Variants in MAN2B2 observed in about 807,000 individuals in gnomAD.
MAN2B2 encodes the protein epididymis-specific alpha-mannosidase.
Under a neutral mutation model 117.1 loss-of-function variants are expected in MAN2B2, and 106 were observed. The ratio of observed to expected loss-of-function variants is 0.90; its 90% CI spans 0.77 to 1.06. The LOEUF (loss-of-function observed/expected upper bound fraction) is 1.06, where lower values mean the gene tolerates loss of function less well. MAN2B2 is among the 50% of genes least tolerant of loss of function. The pLI is 0.00. For missense variants in MAN2B2, 1,326 were observed against 1,381.4 expected, an observed-to-expected ratio of 0.96 and a Z score of 0.64; for synonymous variants, 544 against 595.1, an observed-to-expected ratio of 0.91 and a Z score of 1.25.
chr4:6,581,937 G>A (rs1726443760), intron 3 of MAN2B2, among the ~76,000 whole-genome samples: 1 of 152,064 alleles, frequency 6.6e-6, no homozygotes, highest in South Asian at 2.1e-4. Context: ...GCAGTGTCAG[G>A]GAAAGGCTGG....
intron 15 of MAN2B2, 111 bp from the exon 16 acceptor site, chr4:6,614,107 G>A: frequency 7.4e-7 from 1 of 1,349,214 alleles, no homozygotes. Context: ...CCACAAGGAT[G>A]CATGGGAAGT....
intron 6 of MAN2B2, among the ~76,000 whole-genome samples, chr4:6,594,156 C>T (rs1726973253): frequency 6.6e-6 from 1 of 152,056 alleles, no homozygotes; most frequent in South Asian, 2.1e-4. Flanking sequence ...TTAAGAGATG[C>T]CCAGGGCCGG....
chr4:6,613,878 GGA>G (rs1341313760), intron 15 of MAN2B2, among the ~76,000 whole-genome samples: 1 of 152,088 alleles, frequency 6.6e-6, no homozygotes, highest in Non-Finnish European at 1.5e-5. Flanking sequence ...AAGGAAGAAA[GGA>G]GAGAGAGAGG....
In MAN2B2 at chr4:6,619,925, A is replaced by G. The variant is rs1479711672; in HGVS notation, c.2815-2A>G. 1 of 1,613,308 alleles carries G rather than the reference A, an allele frequency of 6.2e-7. No homozygotes were observed. The highest frequency in any genetic ancestry group is 1.7e-4 in the Middle Eastern group (1 of 6,058). The stretch of plus-strand genomic sequence containing the variant: ...ACTCTCCCTCTGCTCCTCTCCCTGC[A>G]GGCTGTGCTGCAGGCGCTGGGGTCC... On this transcript the variant is annotated splice_acceptor_variant, in intron 17 of 18. Transcript: ENST00000285599. LOFTEE classifies it high-confidence loss of function.
chr4:6,617,730 G>T, intron 17 of MAN2B2: 1 of 598,860 alleles, frequency 1.7e-6, no homozygotes, highest in Non-Finnish European at 2.7e-6. Context: ...GCCCAGTCTG[G>T]GGTGCAGTGG....
rs771068415 is a variant in MAN2B2 at position 6,587,110 on chromosome 4, A to T, written c.506A>T (p.Asn169Ile). 2 of 1,613,954 alleles carry T rather than the reference A, an allele frequency of 1.2e-6. No homozygotes were observed. Among genetic ancestry groups the T allele is most frequent in the South Asian group, 1.1e-5 (1 of 91,078 alleles). ...ACCCTATTTGCGCTGGCGGGCTTCA[A>T]TGCCCACCTCGGCTCCCGGATCGAC... is the stretch of plus-strand genomic sequence containing the variant. ...TPTLFALAGF[N>I]AHLGSRIDYD... The change falls in exon 4 of 19, where the codon AAT (asparagine) becomes ATT (isoleucine). Residue 169 changes from asparagine to isoleucine, a missense_variant. Transcript: ENST00000285599.
chr4:6,586,267 C>T (rs1726630347), intron 3 of MAN2B2, among the ~76,000 whole-genome samples: 1 of 151,752 alleles, frequency 6.6e-6, no homozygotes, highest in Admixed American at 6.6e-5. Flanking sequence ...CACTATATTG[C>T]CCAGGCTGGT....
chr4:6,610,157 GT>G (rs1230301483), intron 13 of MAN2B2, 107 bp downstream of exon 13: 43 of 1,471,306 alleles, frequency 2.9e-5, no homozygotes, highest in Admixed American at 2.2e-5. Context: ...CAGTGAGAAT[GT>G]TTTTTTCCTT....
chr4:6,591,259 T>C (rs1195313555), intron 5 of MAN2B2, among the ~76,000 whole-genome samples: 2 of 152,154 alleles, frequency 1.3e-5, no homozygotes, highest in Non-Finnish European at 2.9e-5. Flanking sequence ...TCCAATCACC[T>C]CCCGTTCACC....
At chr4:6,611,775 C>T (rs1008000549) in intron 15 of MAN2B2, among the ~76,000 whole-genome samples, 5 of 152,152 alleles carry the variant, frequency 3.3e-5, no homozygotes, top group African/African-American at 1.2e-4. Flanking sequence ...GCCTGGGTGG[C>T]AAAGCGAGAC....
Position 6,611,067 on chromosome 4 carries a change from G to C in MAN2B2, c.2371-19G>C. 1.9e-6 allele frequency: 3 copies of C among 1,611,950 alleles called. No homozygotes were observed. Among genetic ancestry groups the C allele is most frequent in the Non-Finnish European group, 2.5e-6 (3 of 1,178,352 alleles). ...TGCCCAGGTGCAAGCCGGGCCTCTCGGACAATGCCTTCCCGCAGGTCATGC... is the reference window on the plus strand; with the variant it reads ...TGCCCAGGTGCAAGCCGGGCCTCTCCGACAATGCCTTCCCGCAGGTCATGC... On this transcript the variant is annotated intron_variant, in intron 14 of 18. Coordinates refer to ENST00000285599, the MANE Select transcript of MAN2B2 (RefSeq NM_015274.3).
At chr4:6,602,790 T>A (rs28385287) in intron 10 of MAN2B2, among the ~76,000 whole-genome samples, 3 of 151,612 alleles carry the variant, frequency 2.0e-5, no homozygotes, top group African/African-American at 7.3e-5. Context: ...CCCACCTCAG[T>A]CTCCTGAGTA....
In MAN2B2 at chr4:6,610,886, T is replaced by TGA. The variant is rs1560660767; in HGVS notation, c.2266_2267insGA (p.Tyr756Ter). The TGA allele has an allele frequency of 6.2e-7, 1 of 1,614,064 alleles. No individual in the cohort carries two copies. Among genetic ancestry groups the TGA allele is most frequent in the African/African-American group, 1.3e-5 (1 of 74,938 alleles). The change falls in exon 14 of 19, where the codon TAC becomes TGAAC. Residue 756 changes from tyrosine to a stop codon, truncating the protein, a stop_gained and frameshift_variant. Coordinates refer to ENST00000285599, the MANE Select transcript of MAN2B2 (RefSeq NM_015274.3). LOFTEE classifies it high-confidence loss of function. Reference protein sequence around the residue: ...YVNNSIARNYYPMVQSAFMED... With the variant: ...YVNNSIARNY ...GCGATGTTTCTGTCTGCAGAATTAC[T>TGA]ACCCCATGGTTCAGTCGGCCTTCAT...
intron 3 of MAN2B2, among the ~76,000 whole-genome samples, chr4:6,579,476 C>CTGAT (rs1291409132): frequency 2.0e-5 from 3 of 148,722 alleles, no homozygotes; most frequent in African/African-American, 7.5e-5. Context: ...CCACAATGAC[C>CTGAT]ATCACTACCA....
chr4:6,596,166 A>AGGTGGGCGTGGTATCCG (rs796786955), intron 7 of MAN2B2, among the ~76,000 whole-genome samples: 2 of 148,416 alleles, frequency 1.3e-5, no homozygotes, highest in African/African-American at 5.0e-5. Context: ...CGTGGTATCC[A>AGGTGGGCGTGGTATCCG]GGCGGGTGTG....
Position 6,622,852 on chromosome 4 carries a change from AG to A in MAN2B2, c.*1568del, listed in dbSNP as rs1712232835. On this transcript the variant is annotated 3_prime_UTR_variant, in exon 19 of 19. Transcript: ENST00000285599. Reference sequence around the variant, plus strand: ...GGAGTCAGACCTCTGGACAACGTGCAGTTTGGCCACCAGACAGCAAAGACAG... The same window carrying A: ...GGAGTCAGACCTCTGGACAACGTGCATTTGGCCACCAGACAGCAAAGACAG... 1 of 151,962 alleles carries A rather than the reference AG, an allele frequency of 6.6e-6. No individual in the cohort carries two copies. The highest frequency in any genetic ancestry group is 2.1e-4 in the South Asian group (1 of 4,840). The allele number at this position is 151,962 out of a possible 1,614,324, so 9.4% of individuals were successfully genotyped here. A position where few individuals can be genotyped will look rare whatever the true frequency, so the allele number is the denominator to read the frequency against.
chr4:6,592,039 C>T (rs1007973571), intron 5 of MAN2B2, among the ~76,000 whole-genome samples: 1 of 152,194 alleles, frequency 6.6e-6, no homozygotes, highest in African/African-American at 2.4e-5. Context: ...AGGCCACCAG[C>T]TCTGCAGCCT....
chr4:6,580,019 T>A (rs1477469838), intron 3 of MAN2B2, among the ~76,000 whole-genome samples: 1 of 152,216 alleles, frequency 6.6e-6, no homozygotes. Flanking sequence ...CCACAGTCAC[T>A]CCACTACAGC....
chr4:6,609,684 G>C, intron 12 of MAN2B2, 114 bp from the exon 13 acceptor site: 1 of 1,320,728 alleles, frequency 7.6e-7, no homozygotes, highest in Non-Finnish European at 1.0e-6. Context: ...AAGGCTCCCT[G>C]CCTTTCGGCG....
Sources: allele counts gnomAD v4.1 joint callset (sites outside exome capture counted in the v4.1 genomes callset), GRCh38; gene constraint gnomAD v4.1.1; transcripts MANE v1.5; gene names NCBI Gene and HGNC (gene_info 2026-07-23, HGNC 2026-07-21).